The following EIF4G3 variants were observed in gnomAD, a reference collection of about 807,000 sequenced individuals.
EIF4G3 encodes the protein eukaryotic translation initiation factor 4 gamma 3.
Under a neutral mutation model 186.4 loss-of-function variants are expected in EIF4G3, and 34 were observed. The observed-to-expected ratio is 0.18, with a 90% CI of 0.14 to 0.24. The LOEUF is 0.24. Ranked by LOEUF, EIF4G3 falls within the 10% of genes least tolerant of loss-of-function variation. The pLI is 1.00. For missense variants in EIF4G3, 1,536 were observed against 1,948.5 expected (o/e 0.79, Z 3.99); for synonymous variants, 673 against 679.5 (o/e 0.99, Z 0.15).
intron 20 of EIF4G3, 56 bp from the exon 21 acceptor site, chr1:20,865,318 A>C: frequency 6.3e-7 from 1 of 1,588,386 alleles, no homozygotes; most frequent in Admixed American, 1.8e-5. Flanking sequence ...AGACATTAAA[A>C]ATATCTGTTT....
chr1:21,127,584 T>C (rs900605941), intron 2 of EIF4G3, among the ~76,000 whole-genome samples: 1 of 152,256 alleles, frequency 6.6e-6, no homozygotes, highest in Non-Finnish European at 1.5e-5. Context: ...AATGAATGCA[T>C]TCCTTAACCC....
intron 14 of EIF4G3, among the ~76,000 whole-genome samples, chr1:20,934,126 TAAAAGAG>T (rs2095435172): frequency 6.6e-6 from 1 of 151,846 alleles, no homozygotes; most frequent in Admixed American, 6.6e-5. Flanking sequence ...CGACCTAACT[TAAAAGAG>T]AGAGAGAAAG....
chr1:20,994,342 C>G (rs900476738), intron 7 of EIF4G3, among the ~76,000 whole-genome samples: 1 of 152,182 alleles, frequency 6.6e-6, no homozygotes, highest in East Asian at 1.9e-4. Context: ...GCCACTCCAA[C>G]CCCATGTCTT....
Position 20,807,171 on chromosome 1 carries a change from C to CT in EIF4G3, c.*147dup, listed in dbSNP as rs887678267. On this transcript the variant is annotated 3_prime_UTR_variant, in exon 37 of 37. Coordinates refer to ENST00000602326, the MANE Select transcript of EIF4G3 (RefSeq NM_001391906.1). ...CAGTACCTTTTTCCTCCATGATCAC[C>CT]TTTTTTTCTCTTTCCCCTCTCCCAC... 2.3e-5 allele frequency: 14 copies of CT among 616,226 alleles called. No individual in the cohort carries two copies. The highest frequency in any genetic ancestry group is 3.7e-5 in the South Asian group (1 of 26,820). The allele number at this position is 616,226 out of a possible 1,614,324, so 38.2% of individuals were successfully genotyped here.
At chr1:20,936,360 T>C (rs2095516504) in intron 14 of EIF4G3, among the ~76,000 whole-genome samples, 1 of 152,186 alleles carries the variant, frequency 6.6e-6, no homozygotes, top group Admixed American at 6.5e-5. Flanking sequence ...TGGTCCTTGC[T>C]TTAAGGATCA....
chr1:21,064,247 C>T (rs527851510), intron 3 of EIF4G3, among the ~76,000 whole-genome samples: 66 of 152,234 alleles, frequency 4.3e-4, no homozygotes, highest in African/African-American at 1.5e-3. Context: ...CCTGCAGCCA[C>T]CCAGAGACTG....
intron 20 of EIF4G3, among the ~76,000 whole-genome samples, chr1:20,874,478 G>A (rs1259393011): frequency 6.6e-6 from 1 of 152,098 alleles, no homozygotes; most frequent in East Asian, 1.9e-4. Flanking sequence ...CTTATTTTGA[G>A]AAGTGCTGTC....
chr1:20,961,381 C>T (rs751608239), intron 12 of EIF4G3, among the ~76,000 whole-genome samples: 5 of 151,900 alleles, frequency 3.3e-5, no homozygotes, highest in African/African-American at 4.8e-5. Flanking sequence ...GACTCCGTCT[C>T]AAAAAAATAA....
At chr1:21,040,915 C>G (rs1163997579) in intron 4 of EIF4G3, among the ~76,000 whole-genome samples, 3 of 152,120 alleles carry the variant, frequency 2.0e-5, no homozygotes, top group Non-Finnish European at 4.4e-5. Flanking sequence ...AAACGTCACC[C>G]TGTAACCAAT....
intron 2 of EIF4G3, among the ~76,000 whole-genome samples, chr1:21,100,579 C>T (rs1399885163): frequency 6.6e-6 from 1 of 152,024 alleles, no homozygotes. Flanking sequence ...AAAAGTATGG[C>T]TTGCCAAGCA....
At chr1:20,851,566 G>C (rs918176826) in intron 27 of EIF4G3, 88 bp from the exon 28 acceptor site, 27 of 1,273,746 alleles carry the variant, frequency 2.1e-5, no homozygotes, top group Non-Finnish European at 2.9e-5. Context: ...AAGACTTTCT[G>C]AAAGTATACA....
chr1:20,900,015 C>A, intron 15 of EIF4G3, 72 bp from the exon 16 acceptor site: 1 of 1,443,224 alleles, frequency 6.9e-7, no homozygotes, highest in Non-Finnish European at 9.3e-7. Flanking sequence ...CCTACATCTA[C>A]TCCCTTCAAA....
intron 2 of EIF4G3, among the ~76,000 whole-genome samples, chr1:21,166,269 A>G (rs1235460174): frequency 2.0e-5 from 3 of 151,640 alleles, no homozygotes; most frequent in Admixed American, 1.3e-4. Flanking sequence ...AAAAAAAAAA[A>G]AAATTAAAAA....
At chr1:20,943,963 CT>C (rs1558361323) in intron 13 of EIF4G3, among the ~76,000 whole-genome samples, 1 of 22,560 alleles carries the variant, frequency 4.4e-5, no homozygotes, top group Non-Finnish European at 9.8e-5. Flanking sequence ...GAAAACTTGT[CT>C]TTATTTTTTT....
chr1:21,023,628 T>C (rs1348515941), intron 4 of EIF4G3, among the ~76,000 whole-genome samples: 4 of 151,982 alleles, frequency 2.6e-5, no homozygotes, highest in East Asian at 2.0e-4. Flanking sequence ...CTCCCAGCCG[T>C]CTGCCTTGGC....
chr1:20,967,466 A>G (rs1314392108), intron 12 of EIF4G3, among the ~76,000 whole-genome samples: 1 of 152,240 alleles, frequency 6.6e-6, no homozygotes, highest in Non-Finnish European at 1.5e-5. Flanking sequence ...GAGACTAAAT[A>G]TAAGACCTGC....
intron 2 of EIF4G3, among the ~76,000 whole-genome samples, chr1:21,172,000 C>T (rs1439162383): frequency 6.6e-6 from 1 of 151,788 alleles, no homozygotes; most frequent in African/African-American, 2.4e-5. Context: ...AGACCCACCA[C>T]AGATCAGATC....
intron 10 of EIF4G3, 40 bp downstream of exon 10, chr1:20,980,293 CA>C (rs780817129): frequency 3.9e-5 from 55 of 1,415,984 alleles, no homozygotes; most frequent in Non-Finnish European, 5.7e-6. Context: ...ATTAAATAAA[CA>C]CAAAAAACTA....
chr1:21,027,058 A>C (rs188313178), intron 4 of EIF4G3, among the ~76,000 whole-genome samples: 2 of 152,278 alleles, frequency 1.3e-5, no homozygotes, highest in Admixed American at 6.5e-5. Flanking sequence ...TTCTATTAAA[A>C]AGACATACAC....
Sources: gnomAD v4.1 joint callset for allele counts (sites outside exome capture counted in the v4.1 genomes callset) on GRCh38, gnomAD v4.1.1 for gene constraint, MANE v1.5 for transcripts, NCBI Gene and HGNC (gene_info 2026-07-23, HGNC 2026-07-21) for gene names.